Variants in RMST observed in about 807,000 individuals in gnomAD.
The protein encoded by RMST is long intergenic non-protein coding RNA 54.
At chr12:97,511,860 A>G (rs1209565902) in intron 10 of RMST, among the ~76,000 whole-genome samples, 1 of 152,180 alleles carries the variant, frequency 6.6e-6, no homozygotes, top group Non-Finnish European at 1.5e-5. Flanking sequence ...CCTTTTATAC[A>G]TACACCTTCA....
At position 97,470,121 on chromosome 12, in the gene RMST, C is replaced by T. The variant is rs536278230; in HGVS notation, n.644+4394C>T. Among the ~76,000 whole-genome samples the T allele has an allele frequency of 3.2e-4, 49 of 152,182 alleles. 1 individual carries two copies. The highest frequency in any genetic ancestry group is 1.2e-3 in the African/African-American group (48 of 41,552). ...AAACCTTCAATGTCTGGGTCAAAGC[C>T]GTTGGCTCCCAGGAAGCCTGTTTTA... On this transcript the variant is annotated intron_variant and non_coding_transcript_variant, in intron 5 of 13. Coordinates refer to ENST00000640149, the Ensembl canonical transcript of RMST.
At position 97,532,170 on chromosome 12, in the gene RMST, TTTA is replaced by T. The variant is rs770396229; in HGVS notation, n.1545+1316_1545+1318del. Among the ~76,000 whole-genome samples, 7 of 151,984 alleles carry T rather than the reference TTTA, an allele frequency of 4.6e-5. No homozygotes were observed. In the South Asian group the frequency reaches 6.2e-4, roughly 13 times the overall value. ...TGAAAGTGGAGATTTAAATCATTATTTTATTATATTCTGGACACCATGTTTACA... is the reference window on the plus strand; with the variant it reads ...TGAAAGTGGAGATTTAAATCATTATTTTATATTCTGGACACCATGTTTACA... On this transcript the variant is annotated intron_variant and non_coding_transcript_variant, in intron 11 of 13. Coordinates refer to ENST00000640149, the Ensembl canonical transcript of RMST.
At chr12:97,537,410 ACT>A (rs1444491350) in intron 11 of RMST, among the ~76,000 whole-genome samples, 3 of 151,380 alleles carry the variant, frequency 2.0e-5, no homozygotes, top group Non-Finnish European at 4.4e-5. Flanking sequence ...TAGGAATTTT[ACT>A]CTGTCTGCAT....
At chr12:97,538,715 AT>A (rs1045207148) in intron 11 of RMST, among the ~76,000 whole-genome samples, 3 of 151,430 alleles carry the variant, frequency 2.0e-5, no homozygotes, top group African/African-American at 7.3e-5. Context: ...GGCACATTTA[AT>A]TTAGGTTTAA....
chr12:97,505,493 G>A (rs1419149554), intron 10 of RMST, among the ~76,000 whole-genome samples: 1 of 152,224 alleles, frequency 6.6e-6, no homozygotes, highest in Non-Finnish European at 1.5e-5. Flanking sequence ...GTGTTCTGCA[G>A]TAATGAATTC....
At chr12:97,547,227 T>C (rs1352694110) in intron 11 of RMST, among the ~76,000 whole-genome samples, 2 of 149,916 alleles carry the variant, frequency 1.3e-5, no homozygotes, top group East Asian at 3.9e-4. Flanking sequence ...AATAAAAATA[T>C]GTATATATAA....
chr12:97,512,715 G>A (rs1020383341), intron 10 of RMST, among the ~76,000 whole-genome samples: 2 of 152,018 alleles, frequency 1.3e-5, no homozygotes, highest in Non-Finnish European at 2.9e-5. Context: ...GGAGCCCAGC[G>A]GGCTTTACCC....
chr12:97,466,705 A>G (rs1239604023), intron 5 of RMST, among the ~76,000 whole-genome samples: 3 of 152,080 alleles, frequency 2.0e-5, no homozygotes, highest in Non-Finnish European at 2.9e-5. Context: ...GTTCTCTAAT[A>G]TCTCGTTCCA....
At position 97,531,054 on chromosome 12, in the gene RMST, C is replaced by A. The variant is rs540373762; in HGVS notation, n.1545+195C>A. On this transcript the variant is annotated intron_variant and non_coding_transcript_variant, in intron 11 of 13. Coordinates refer to ENST00000640149, the Ensembl canonical transcript of RMST. The stretch of plus-strand genomic sequence containing the variant: ...TCTGTAAATTCATAATATAACTAAA[C>A]AGCTTTTGATGATGAAAATGGAATA... Among the ~76,000 whole-genome samples, 3 of 147,878 alleles carry A rather than the reference C, an allele frequency of 2.0e-5. No homozygotes were observed. In the East Asian group the frequency reaches 6.0e-4, roughly 29 times the overall value.
At chr12:97,491,439 A>G (rs1360790052) in intron 5 of RMST, among the ~76,000 whole-genome samples, 1 of 151,952 alleles carries the variant, frequency 6.6e-6, no homozygotes, top group Non-Finnish European at 1.5e-5. Context: ...TCTTAACTAA[A>G]CAAGTCAGAA....
chr12:97,472,066 C>G (rs1022497227), intron 5 of RMST, among the ~76,000 whole-genome samples: 15 of 151,884 alleles, frequency 9.9e-5, no homozygotes, highest in African/African-American at 3.6e-4. Context: ...GTTAGTTGGC[C>G]GTGGACTTAA....
intron 5 of RMST, among the ~76,000 whole-genome samples, chr12:97,469,624 A>C (rs1873657663): frequency 6.6e-6 from 1 of 151,768 alleles, no homozygotes; most frequent in Non-Finnish European, 1.5e-5. Context: ...AGGGTCACAG[A>C]GCTAACGAGC....
At chr12:97,522,309 C>T (rs947128180) in intron 10 of RMST, among the ~76,000 whole-genome samples, 1 of 152,164 alleles carries the variant, frequency 6.6e-6, no homozygotes, top group Non-Finnish European at 1.5e-5. Flanking sequence ...TTATTACTTC[C>T]TAATAGTAAA....
intron 5 of RMST, among the ~76,000 whole-genome samples, chr12:97,488,815 AT>A (rs1660463079): frequency 6.6e-6 from 1 of 152,082 alleles, no homozygotes; most frequent in Admixed American, 6.6e-5. Context: ...TCAGTAATTA[AT>A]TTTCTCCTAG....
chr12:97,532,034 GC>G (rs1445306071), intron 11 of RMST, among the ~76,000 whole-genome samples: 2 of 151,802 alleles, frequency 1.3e-5, no homozygotes, highest in Non-Finnish European at 1.5e-5. Flanking sequence ...GAATTTTAAA[GC>G]CTTTCAGTGT....
intron 10 of RMST, among the ~76,000 whole-genome samples, chr12:97,522,457 C>T (rs1374539589): frequency 6.6e-6 from 1 of 152,120 alleles, no homozygotes; most frequent in Non-Finnish European, 1.5e-5. Context: ...TATGAACTGC[C>T]ATTAAATGCC....
intron 10 of RMST, among the ~76,000 whole-genome samples, chr12:97,512,820 G>A (rs1255157727): frequency 6.6e-6 from 1 of 152,240 alleles, no homozygotes; most frequent in Non-Finnish European, 1.5e-5. Context: ...ATGGGACTGG[G>A]CGCAGTGGAG....
chr12:97,524,766 C>T (rs1459077569), intron 10 of RMST, among the ~76,000 whole-genome samples: 1 of 152,144 alleles, frequency 6.6e-6, no homozygotes, highest in Non-Finnish European at 1.5e-5. Flanking sequence ...GTAAGACAGA[C>T]TATTTGTTTC....
intron 13 of RMST, chr12:97,563,570 T>C (rs956639342): frequency 6.2e-6 from 2 of 324,936 alleles, no homozygotes; most frequent in Middle Eastern, 1.1e-3. Flanking sequence ...CCCAGTGTCC[T>C]TTGTTTTTGG....
Sources: allele counts gnomAD v4.1 joint callset (sites outside exome capture counted in the v4.1 genomes callset), GRCh38; gene constraint gnomAD v4.1.1; transcripts MANE v1.5; gene names NCBI Gene and HGNC (gene_info 2026-07-23, HGNC 2026-07-21).